SMYD2: variants seen among roughly 807,000 people sequenced by gnomAD.
The protein encoded by SMYD2 is N-lysine methyltransferase SMYD2.
SMYD2 carries 53 observed loss-of-function variants against 59.1 expected under a neutral mutation model. That is an observed-to-expected ratio of 0.90 (90% CI 0.72 to 1.13). The LOEUF (loss-of-function observed/expected upper bound fraction) is 1.13, where lower values mean the gene tolerates loss of function less well. Among genes scored for constraint, SMYD2 ranks in the 50% most tolerant of loss-of-function variants. SMYD2 has a pLI of 0.00. For missense variants in SMYD2, 494 were observed against 544.7 expected (o/e 0.91, Z 0.93); for synonymous variants, 208 against 198.8 (o/e 1.05, Z -0.39).
At chr1:214,322,730 C>T (rs957517025) in intron 5 of SMYD2, among the ~76,000 whole-genome samples, 4 of 152,170 alleles carry the variant, frequency 2.6e-5, no homozygotes, top group Admixed American at 2.6e-4. Flanking sequence ...AATTCTGGCT[C>T]CTGTTCTGCC....
chr1:214,297,535 GA>G (rs1656754466), intron 1 of SMYD2, among the ~76,000 whole-genome samples: 1 of 152,028 alleles, frequency 6.6e-6, no homozygotes, highest in Non-Finnish European at 1.5e-5. Context: ...AGCAATAGTC[GA>G]ACACTCATAG....
intron 1 of SMYD2, among the ~76,000 whole-genome samples, chr1:214,282,527 C>T (rs1656467293): frequency 6.6e-6 from 1 of 152,170 alleles, no homozygotes; most frequent in Non-Finnish European, 1.5e-5. Context: ...GATTCCTGGG[C>T]TGGATTAAGC....
At chr1:214,326,096 G>A (rs1384095108) in intron 6 of SMYD2, among the ~76,000 whole-genome samples, 1 of 151,816 alleles carries the variant, frequency 6.6e-6, no homozygotes, top group Non-Finnish European at 1.5e-5. Context: ...AAATTAGCTG[G>A]GCATGGTGGC....
At chr1:214,331,865 T>A in intron 9 of SMYD2, 153 bp from the exon 10 acceptor site, 1 of 678,898 alleles carries the variant, frequency 1.5e-6, no homozygotes, top group Non-Finnish European at 2.4e-6. Flanking sequence ...TCTGGAGAAA[T>A]GTAATTCCTT....
At chr1:214,308,469 C>T (rs961466051) in intron 2 of SMYD2, among the ~76,000 whole-genome samples, 13 of 152,102 alleles carry the variant, frequency 8.5e-5, no homozygotes, top group African/African-American at 3.1e-4. Context: ...GCATTTGCTC[C>T]AGATATAAAT....
At chr1:214,281,971 A>G (rs1273408633) in intron 1 of SMYD2, among the ~76,000 whole-genome samples, 23 of 152,258 alleles carry the variant, frequency 1.5e-4, no homozygotes, top group Admixed American at 1.3e-3. Context: ...GGGTGTTTGG[A>G]GGGACGCCAG....
chr1:214,309,204 A>G (rs1485896083), intron 2 of SMYD2, among the ~76,000 whole-genome samples: 1 of 152,206 alleles, frequency 6.6e-6, no homozygotes, highest in Non-Finnish European at 1.5e-5. Context: ...ATGGTGCCAG[A>G]GGAAAGATTT....
rs570067940 is a variant in SMYD2, at chr1:214,298,709, C to T, written c.174-6478C>T. Among the ~76,000 whole-genome samples the T allele has an allele frequency of 2.3e-4, 35 of 152,084 alleles. 1 individual carries two copies. The highest frequency in any genetic ancestry group is 2.2e-3 in the Admixed American group (33 of 15,278). ...ATTCAACAAGCAAAAAACAAGTAAC[C>T]CCGTTAAAAAGTGGGCAAAGAAGAC... is the stretch of plus-strand genomic sequence containing the variant. On this transcript the variant is annotated intron_variant, in intron 1 of 11. Coordinates refer to ENST00000366957, the MANE Select transcript of SMYD2 (RefSeq NM_020197.3).
chr1:214,304,731 AG>A lies in SMYD2; in HGVS notation c.174-454del, dbSNP rs1404012743. Among the ~76,000 whole-genome samples the A allele has an allele frequency of 3.3e-5, 5 of 152,314 alleles. No individual in the cohort carries two copies. The East Asian group carries it at 9.7e-4, about 29-fold the overall frequency. ...ACTCACATGGGATTTTCACCAGAGT[AG>A]GTGCACCCCAACACTCCATCTTCAT... On this transcript the variant is annotated intron_variant, in intron 1 of 11. Transcript: ENST00000366957.
At chr1:214,295,231 A>G (rs1656704176) in intron 1 of SMYD2, among the ~76,000 whole-genome samples, 1 of 152,228 alleles carries the variant, frequency 6.6e-6, no homozygotes, top group Non-Finnish European at 1.5e-5. Context: ...ATGAGATTTT[A>G]AAAGTGTGTA....
At chr1:214,289,498 A>C (rs1398189295) in intron 1 of SMYD2, among the ~76,000 whole-genome samples, 1 of 152,166 alleles carries the variant, frequency 6.6e-6, no homozygotes, top group East Asian at 1.9e-4. Flanking sequence ...GATGTAGTTG[A>C]GGTAATCATA....
Position 214,327,643 on chromosome 1 carries a change from C to T in SMYD2, c.624C>T (p.Ser208=), listed in dbSNP as rs1343258505. Residue 208 remains serine (S), a synonymous_variant, in exon 7 of 12, where the codon AGC becomes AGT. Transcript: ENST00000366957. ...IFPDVALMNH[S]CCPNVIVTYK... ...ACAGTGTTGCATTGATGAATCATAG[C>T]TGTTGCCCCAATGTCATTGTGACCT... 2.5e-6 allele frequency: 4 copies of T among 1,614,032 alleles called. No individual in the cohort carries two copies. Among genetic ancestry groups the T allele is most frequent in the East Asian group, 4.5e-5 (2 of 44,888 alleles).
intron 2 of SMYD2, among the ~76,000 whole-genome samples, chr1:214,310,503 A>T (rs1354340614): frequency 5.1e-5 from 7 of 136,422 alleles, no homozygotes; most frequent in South Asian, 2.3e-4. Context: ...TATTTTATTA[A>T]TTTTTTTTTT....
chr1:214,304,885 G>A (rs774614386), intron 1 of SMYD2, among the ~76,000 whole-genome samples: 3 of 152,162 alleles, frequency 2.0e-5, no homozygotes, highest in Non-Finnish European at 4.4e-5. Flanking sequence ...GATGTTCATA[G>A]CCTTGGTGTC....
chr1:214,327,801 C>T (rs1430304618), intron 7 of SMYD2, 77 bp downstream of exon 7: 21 of 1,236,980 alleles, frequency 1.7e-5, no homozygotes, highest in African/African-American at 3.0e-5. Flanking sequence ...CAGATCTGTG[C>T]AGTGTCACTT....
intron 1 of SMYD2, among the ~76,000 whole-genome samples, chr1:214,297,567 C>T (rs375840567): frequency 5.3e-5 from 8 of 152,154 alleles, no homozygotes; most frequent in African/African-American, 1.7e-4. Context: ...CTCTCTCAAG[C>T]ACATATACTG....
chr1:214,330,894 T>C, intron 8 of SMYD2, 56 bp from the exon 9 acceptor site: 2 of 1,611,590 alleles, frequency 1.2e-6, no homozygotes, highest in Non-Finnish European at 1.7e-6. Flanking sequence ...GAGGTTTCCC[T>C]ATCAGTGTGG....
At position 214,318,312 on chromosome 1, in the gene SMYD2, C is replaced by G. The variant is rs1190944368; in HGVS notation, c.409+173C>G. The stretch of plus-strand genomic sequence containing the variant: ...TTCGAAAAGCACTTTTAGCTTTTTT[C>G]TTCTGAGTTGACAGGATTGTTAGGA... On this transcript the variant is annotated intron_variant, in intron 4 of 11. Transcript: ENST00000366957. The surrounding 1 kb of genome is among the most constrained non-coding windows in gnomAD (Gnocchi z 5.4). 1.3e-5 allele frequency among the ~76,000 whole-genome samples: 2 copies of G among 152,110 alleles called. No individual in the cohort carries two copies. Among genetic ancestry groups the G allele is most frequent in the Non-Finnish European group, 2.9e-5 (2 of 68,010 alleles).
Position 214,330,279 on chromosome 1 carries a change from G to C in SMYD2, c.816+1G>C. ...CCAGGAGTGTACCACCAAGGACAAGGTAAGGTTGTTCATTGGGCAAGAGCG... is the reference window on the plus strand; with the variant it reads ...CCAGGAGTGTACCACCAAGGACAAGCTAAGGTTGTTCATTGGGCAAGAGCG... On this transcript the variant is annotated splice_donor_variant, in intron 8 of 11. Transcript: ENST00000366957. LOFTEE classifies it high-confidence loss of function. The C allele has an allele frequency of 6.2e-7, 1 of 1,602,722 alleles. No individual in the cohort carries two copies. Among genetic ancestry groups the C allele is most frequent in the Non-Finnish European group, 8.5e-7 (1 of 1,171,772 alleles).
Sources: allele counts gnomAD v4.1 joint callset (sites outside exome capture counted in the v4.1 genomes callset), GRCh38; gene constraint gnomAD v4.1.1; non-coding constraint Gnocchi (gnomAD v3.1); transcripts MANE v1.5; gene names NCBI Gene and HGNC (gene_info 2026-07-23, HGNC 2026-07-21).